Variants in RNFT2 observed in about 807,000 individuals in gnomAD.
RNFT2 encodes E3 ubiquitin-protein ligase RNFT2.
In RNFT2, 36 loss-of-function variants were observed where a neutral mutation model predicts 53.0. That is an observed-to-expected ratio of 0.68 (90% CI 0.52 to 0.90). The LOEUF is 0.90. Among genes scored for constraint, RNFT2 ranks in the 40% least tolerant of loss-of-function variants. RNFT2 has a pLI of 0.00. For synonymous variants in RNFT2, 260 were observed against 253.2 expected, an observed-to-expected ratio of 1.03 and a Z score of -0.26; for missense variants, 514 against 585.6, an observed-to-expected ratio of 0.88 and a Z score of 1.26.
At chr12:116,769,717 T>C (rs1288093921) in intron 6 of RNFT2, among the ~76,000 whole-genome samples, 1 of 152,128 alleles carries the variant, frequency 6.6e-6, no homozygotes, top group Non-Finnish European at 1.5e-5. Flanking sequence ...CAATTTATGA[T>C]TGAAGAAATA....
Position 116,852,594 on chromosome 12 carries a change from G to C in RNFT2, c.*3146G>C, listed in dbSNP as rs1406531576. 3 of 1,613,412 alleles carry C rather than the reference G, an allele frequency of 1.9e-6. No homozygotes were observed. The highest frequency in any genetic ancestry group is 4.5e-5 in the East Asian group (2 of 44,882). ...CCCTACCCTGAGGAAAAACCAAAGGGAAGCAACAGGAACTTCTGCAACTGG... is the reference window on the plus strand; with the variant it reads ...CCCTACCCTGAGGAAAAACCAAAGGCAAGCAACAGGAACTTCTGCAACTGG... On this transcript the variant is annotated 3_prime_UTR_variant, in exon 11 of 11. Transcript: ENST00000257575.
At chr12:116,817,531 C>G (rs937646466) in intron 7 of RNFT2, among the ~76,000 whole-genome samples, 7 of 152,216 alleles carry the variant, frequency 4.6e-5, no homozygotes, top group Non-Finnish European at 8.8e-5. Context: ...CCTTCCACGC[C>G]TAATTTCCTA....
At chr12:116,744,427 T>C (rs1297631345) in intron 3 of RNFT2, among the ~76,000 whole-genome samples, 1 of 152,132 alleles carries the variant, frequency 6.6e-6, no homozygotes, top group Non-Finnish European at 1.5e-5. Flanking sequence ...ATTGAGTGCT[T>C]ATGCTGTGCC....
At chr12:116,751,496 C>T (rs1486625842) in intron 4 of RNFT2, among the ~76,000 whole-genome samples, 7 of 151,804 alleles carry the variant, frequency 4.6e-5, no homozygotes, top group Admixed American at 4.6e-4. Context: ...CTCCACCTCC[C>T]GGGTTCAAGC....
intron 7 of RNFT2, among the ~76,000 whole-genome samples, chr12:116,815,516 C>G (rs1365255539): frequency 6.6e-6 from 1 of 152,158 alleles, no homozygotes; most frequent in Non-Finnish European, 1.5e-5. Flanking sequence ...GTCCCCTTCT[C>G]TATCTTCAAA....
intron 7 of RNFT2, among the ~76,000 whole-genome samples, chr12:116,813,750 C>T (rs941478006): frequency 6.6e-6 from 1 of 152,184 alleles, no homozygotes; most frequent in Non-Finnish European, 1.5e-5. Context: ...GATATTTCTC[C>T]CTTCACTATA....
chr12:116,827,827 C>G (rs1375576546), intron 7 of RNFT2, among the ~76,000 whole-genome samples: 1 of 152,226 alleles, frequency 6.6e-6, no homozygotes, highest in African/African-American at 2.4e-5. Flanking sequence ...GCCTGCAGCT[C>G]AGGGGCCTGA....
intron 10 of RNFT2, among the ~76,000 whole-genome samples, chr12:116,846,981 T>C (rs1877651565): frequency 6.7e-6 from 1 of 149,964 alleles, no homozygotes; most frequent in Non-Finnish European, 1.5e-5. Context: ...CGATCTTGGC[T>C]CACTGCAACC....
At chr12:116,821,871 CA>C (rs1876056277) in intron 7 of RNFT2, among the ~76,000 whole-genome samples, 3 of 109,634 alleles carry the variant, frequency 2.7e-5, no homozygotes, top group African/African-American at 1.2e-4. Context: ...GGCTGGAGTG[CA>C]TGGAGTGCAT....
At chr12:116,829,500 AG>A (rs1876524385) in intron 7 of RNFT2, among the ~76,000 whole-genome samples, 1 of 152,158 alleles carries the variant, frequency 6.6e-6, no homozygotes, top group Non-Finnish European at 1.5e-5. Context: ...AAAATCAGGC[AG>A]GGGGTGAGTG....
chr12:116,834,283 A>G (rs1876846778), intron 8 of RNFT2, among the ~76,000 whole-genome samples: 1 of 151,878 alleles, frequency 6.6e-6, no homozygotes. Flanking sequence ...ATACCCAGCT[A>G]ATTTTTTGTA....
chr12:116,769,570 A>G (rs892068829), intron 6 of RNFT2, among the ~76,000 whole-genome samples: 2 of 152,206 alleles, frequency 1.3e-5, no homozygotes, highest in Admixed American at 6.5e-5. Context: ...AAAAATAGGA[A>G]AAACCTTATA....
intron 7 of RNFT2, among the ~76,000 whole-genome samples, chr12:116,830,624 G>A (rs916138647): frequency 2.6e-5 from 4 of 152,128 alleles, no homozygotes; most frequent in Non-Finnish European, 5.9e-5. Context: ...TTGAATCAGG[G>A]CTGGGCGCGG....
rs184086309 is a variant in RNFT2 at position 116,844,525 on chromosome 12, G to A, written c.1201-4789G>A. ...GTTGGGATTACAGGCGTGAGCTACC[G>A]TGCCTGGCCATTATGTTTTAAATAT... On this transcript the variant is annotated intron_variant, in intron 10 of 10. Transcript: ENST00000257575. 1.7e-3 allele frequency among the ~76,000 whole-genome samples: 258 copies of A among 152,290 alleles called. 2 individuals carry two copies. The highest frequency in any genetic ancestry group is 3.3e-3 in the Non-Finnish European group (225 of 68,016).
At chr12:116,747,192 G>C (rs966516815) in intron 3 of RNFT2, among the ~76,000 whole-genome samples, 2 of 152,146 alleles carry the variant, frequency 1.3e-5, no homozygotes, top group Non-Finnish European at 2.9e-5. Context: ...CACTAGCTGG[G>C]ACTACAGGTG....
Position 116,825,937 on chromosome 12 carries a change from A to G in RNFT2, c.883-7855A>G, listed in dbSNP as rs138002666. Among the ~76,000 whole-genome samples the G allele has an allele frequency of 1.1e-3, 170 of 152,202 alleles. 2 individuals are homozygous for G. The East Asian group carries it at 0.027, about 24-fold the overall frequency. ...AGATGAAAAAATGTGTATAAAAGAG[A>G]TTCGTAAACAGGCAAAGCTGTATAA... On this transcript the variant is annotated intron_variant, in intron 7 of 10. Coordinates refer to ENST00000257575, the MANE Select transcript of RNFT2 (RefSeq NM_001382266.1).
intron 10 of RNFT2, among the ~76,000 whole-genome samples, chr12:116,844,361 C>T (rs569062130): frequency 2.6e-5 from 4 of 152,260 alleles, no homozygotes; most frequent in East Asian, 3.9e-4. Flanking sequence ...CTCAGCCTCC[C>T]GAGTAGCTGG....
At chr12:116,830,259 T>A (rs935702855) in intron 7 of RNFT2, among the ~76,000 whole-genome samples, 1 of 152,146 alleles carries the variant, frequency 6.6e-6, no homozygotes, top group Non-Finnish European at 1.5e-5. Flanking sequence ...AGTTGCCCCA[T>A]TGACATTATT....
At chr12:116,770,794 A>G (rs1018180516) in intron 6 of RNFT2, among the ~76,000 whole-genome samples, 1 of 152,140 alleles carries the variant, frequency 6.6e-6, no homozygotes, top group Non-Finnish European at 1.5e-5. Flanking sequence ...CCTTGCCTCA[A>G]GTGATCCACC....
Sources: allele counts gnomAD v4.1 joint callset (sites outside exome capture counted in the v4.1 genomes callset), GRCh38; gene constraint gnomAD v4.1.1; transcripts MANE v1.5; gene names NCBI Gene and HGNC (gene_info 2026-07-23, HGNC 2026-07-21).